Variants in NAA11 observed in about 807,000 individuals in gnomAD.
The protein encoded by NAA11 is N-alpha-acetyltransferase 11, NatA catalytic subunit.
Under a neutral mutation model 16.1 loss-of-function variants are expected in NAA11, and 15 were observed. The observed-to-expected ratio is 0.93, with a 90% CI of 0.62 to 1.44. NAA11 has a LOEUF of 1.44. Among genes scored for constraint, NAA11 ranks in the 40% most tolerant of loss-of-function variants. The pLI, the probability that NAA11 is intolerant of heterozygous loss-of-function variation, is 0.00. For missense variants in NAA11, 298 were observed against 291.3 expected (o/e 1.02, Z -0.17); for synonymous variants, 122 against 112.4 (o/e 1.09, Z -0.54).
chr4:79,286,649 G>A lies in NAA11; in HGVS notation c.*122+7356C>T, dbSNP rs955711316. 7.9e-5 allele frequency among the ~76,000 whole-genome samples: 12 copies of A among 151,974 alleles called. No homozygotes were observed. In the East Asian group the frequency reaches 1.7e-3, roughly 22 times the overall value. ...ACTTTTTACATTTTTATTTCTTTTC[G>A]AGTATAATAATCACTGTCAATAAGG... On this transcript the variant is annotated intron_variant and NMD_transcript_variant, in intron 2 of 2. Coordinates refer to the NAA11 transcript ENST00000511542.
intron 2 of NAA11, among the ~76,000 whole-genome samples, chr4:79,263,976 G>A (rs928268442): frequency 3.9e-5 from 6 of 152,004 alleles, no homozygotes; most frequent in African/African-American, 7.2e-5. Flanking sequence ...CAAACTCCTC[G>A]CTTTAAGCAA....
rs139508874 is a variant in NAA11 at position 79,260,240 on chromosome 4, C to T, written c.*122+33765G>A. On this transcript the variant is annotated intron_variant and NMD_transcript_variant, in intron 2 of 2. Transcript: ENST00000511542. Reference sequence around the variant, plus strand: ...TGTGTGACTGTTGGTGGTTTATCCTCATCCACTTTTATTTTGAGGTTAATG... The same window carrying T: ...TGTGTGACTGTTGGTGGTTTATCCTTATCCACTTTTATTTTGAGGTTAATG... 4.5e-3 allele frequency among the ~76,000 whole-genome samples: 687 copies of T among 152,294 alleles called. 2 individuals are homozygous for T. The highest frequency in any genetic ancestry group is 7.2e-3 in the Non-Finnish European group (491 of 68,030).
chr4:79,303,103 T>TATATATATAC (rs1723455910), intron 1 of NAA11, among the ~76,000 whole-genome samples: 1 of 124,294 alleles, frequency 8.0e-6, no homozygotes, highest in African/African-American at 3.2e-5. Context: ...TATATATATA[T>TATATATATAC]ATATATATAT....
intron 2 of NAA11, among the ~76,000 whole-genome samples, chr4:79,234,634 A>G (rs1039466450): frequency 1.3e-5 from 2 of 152,110 alleles, no homozygotes; most frequent in East Asian, 1.9e-4. Context: ...ATTATTAACA[A>G]TAGCCCCATA....
chr4:79,304,850 A>G (rs976120799), intron 1 of NAA11, among the ~76,000 whole-genome samples: 1 of 152,140 alleles, frequency 6.6e-6, no homozygotes, highest in South Asian at 2.1e-4. Flanking sequence ...TATCTTGAGT[A>G]TGCTATACCT....
At chr4:79,185,256 A>G in the NAA11 span, among the ~76,000 whole-genome samples, 4 of 152,312 alleles carry the variant, frequency 2.6e-5, no homozygotes, top group East Asian at 7.7e-4. Flanking sequence ...GACATCAGCT[A>G]AATATTCTAA....
At position 79,324,278 on chromosome 4, in the gene NAA11, T is replaced by C. The variant is rs1439955679; in HGVS notation, c.*12+898A>G. Among the ~76,000 whole-genome samples, 4 of 152,204 alleles carry C rather than the reference T, an allele frequency of 2.6e-5. No homozygotes were observed. The South Asian group carries it at 6.2e-4, about 24-fold the overall frequency. ...ACAGATAAGGACTTTCTAAACATAA[T>C]ACAATACCATTTAGCTCCTCTAATA... is the stretch of plus-strand genomic sequence containing the variant. On this transcript the variant is annotated intron_variant, in intron 1 of 1. Transcript: ENST00000286794.
chr4:79,312,841 GTGTT>G (rs957671520), downstream of NAA11, among the ~76,000 whole-genome samples: 1 of 152,088 alleles, frequency 6.6e-6, no homozygotes, highest in African/African-American at 2.4e-5. Flanking sequence ...GTGTGTATGT[GTGTT>G]TGTGTGAATT....
At chr4:79,208,945 A>AAAAAAG in the NAA11 span, among the ~76,000 whole-genome samples, 1 of 149,040 alleles carries the variant, frequency 6.7e-6, no homozygotes, top group Non-Finnish European at 1.5e-5. Context: ...AAAAAAAAAA[A>AAAAAAG]AACCCCAAAA....
the NAA11 span, among the ~76,000 whole-genome samples, chr4:79,193,833 C>T: frequency 5.9e-5 from 9 of 152,202 alleles, no homozygotes; most frequent in East Asian, 5.8e-4. Flanking sequence ...GCCATTTTCA[C>T]GATATTGATT....
At chr4:79,256,845 G>C (rs939799550) in intron 2 of NAA11, among the ~76,000 whole-genome samples, 2 of 151,412 alleles carry the variant, frequency 1.3e-5, no homozygotes, top group African/African-American at 2.4e-5. Context: ...TTAGAGACAG[G>C]GTTTCACTGT....
At chr4:79,189,077 C>T in the NAA11 span, among the ~76,000 whole-genome samples, 113 of 135,570 alleles carry the variant, frequency 8.3e-4, no homozygotes, top group Non-Finnish European at 1.3e-3. Context: ...ACCCGGGAGG[C>T]GGAGCTTGCA....
chr4:79,256,652 A>AATATATATATATATATATATATT (rs1491290215), intron 2 of NAA11, among the ~76,000 whole-genome samples: 5,537 of 26,310 alleles, frequency 0.21, 220 homozygotes, highest in East Asian at 0.49. Flanking sequence ...ATAAATATAA[A>AATATATATATATATATATATATT]TATATATATA....
At chr4:79,187,262 A>G in the NAA11 span, among the ~76,000 whole-genome samples, 1 of 152,188 alleles carries the variant, frequency 6.6e-6, no homozygotes, top group Non-Finnish European at 1.5e-5. Context: ...GAACATCCCA[A>G]TGAGGATGTA....
downstream of NAA11, among the ~76,000 whole-genome samples, chr4:79,223,258 A>G (rs1222149547): frequency 6.8e-6 from 1 of 147,940 alleles, no homozygotes; most frequent in Non-Finnish European, 1.5e-5. Context: ...ATGTCCAACA[A>G]TGATAGACTG....
intron 1 of NAA11, among the ~76,000 whole-genome samples, chr4:79,304,888 T>C (rs1443246236): frequency 6.6e-6 from 1 of 152,090 alleles, no homozygotes; most frequent in African/African-American, 2.4e-5. Flanking sequence ...AAGAACTCTG[T>C]CAGTGAAAAG....
the NAA11 span, among the ~76,000 whole-genome samples, chr4:79,194,620 C>T: frequency 6.6e-6 from 1 of 151,984 alleles, no homozygotes. Flanking sequence ...TTATCTGGCA[C>T]ATGTATCAAC....
chr4:79,161,875 G>T, the NAA11 span, among the ~76,000 whole-genome samples: 1 of 152,064 alleles, frequency 6.6e-6, no homozygotes, highest in African/African-American at 2.4e-5. Context: ...TACAGACAGG[G>T]TTTCACCATA....
chr4:79,199,844 A>G, the NAA11 span, among the ~76,000 whole-genome samples: 1 of 151,890 alleles, frequency 6.6e-6, no homozygotes, highest in African/African-American at 2.4e-5. Context: ...TTCTAAAGAA[A>G]TCATTATAAT....
Sources: allele counts gnomAD v4.1 joint callset (sites outside exome capture counted in the v4.1 genomes callset), GRCh38; gene constraint gnomAD v4.1.1; transcripts MANE v1.5; gene names NCBI Gene and HGNC (gene_info 2026-07-23, HGNC 2026-07-21).